Variants in SLC15A2 observed in about 807,000 individuals in gnomAD.
SLC15A2 encodes solute carrier family 15 member 2.
SLC15A2 carries 77 observed loss-of-function variants against 95.5 expected under a neutral mutation model. The ratio of observed to expected loss-of-function variants is 0.81; its 90% CI spans 0.67 to 0.97. The LOEUF (loss-of-function observed/expected upper bound fraction) is 0.97, where lower values mean the gene tolerates loss of function less well. SLC15A2 is among the 50% of genes least tolerant of loss of function. SLC15A2 has a pLI of 0.00. For synonymous variants in SLC15A2, 306 were observed against 306.9 expected (o/e 1.00, Z 0.03); for missense variants, 893 against 874.4 (o/e 1.02, Z -0.27).
At chr3:121,915,500 G>A in intron 6 of SLC15A2, 116 bp from the exon 7 acceptor site, 3 of 837,528 alleles carry the variant, frequency 3.6e-6, no homozygotes, top group South Asian at 1.5e-5. Flanking sequence ...GAGGAAAGAG[G>A]GTGGTTATGT....
At position 121,944,009 on chromosome 3, in the gene SLC15A2, TA is replaced by T. The variant is rs754056587; in HGVS notation, c.*3007del. ...CTATATCTGTTATGTATCAATTTTT[TA>T]AAAAGTGAATGACATAATTCATTTG... On this transcript the variant is annotated 3_prime_UTR_variant, in exon 22 of 22. Coordinates refer to ENST00000489711, the MANE Select transcript of SLC15A2 (RefSeq NM_021082.4). 1.5e-4 allele frequency: 23 copies of T among 152,226 alleles called. No individual in the cohort carries two copies. Among genetic ancestry groups the T allele is most frequent in the Non-Finnish European group, 2.9e-4 (20 of 68,042 alleles). The allele number at this position is 152,226 out of a possible 1,614,324, so 9.4% of individuals were successfully genotyped here.
intron 3 of SLC15A2, among the ~76,000 whole-genome samples, chr3:121,905,342 A>G (rs1208451477): frequency 2.6e-5 from 4 of 151,802 alleles, no homozygotes; most frequent in Admixed American, 6.6e-5. Context: ...TTGTGTCTCT[A>G]TCTCCTTCAG....
intron 3 of SLC15A2, among the ~76,000 whole-genome samples, chr3:121,904,798 T>G (rs1438441264): frequency 1.3e-5 from 2 of 152,262 alleles, no homozygotes; most frequent in Non-Finnish European, 2.9e-5. Context: ...CCAGGGATAC[T>G]GGTCTAAAAT....
At chr3:121,932,956 C>A in intron 19 of SLC15A2, among the ~76,000 whole-genome samples, 1 of 151,962 alleles carries the variant, frequency 6.6e-6, no homozygotes, top group South Asian at 2.1e-4. Context: ...GTTCCCCTTC[C>A]TGTGTCCATG....
chr3:121,940,658 T>C (rs528088392), intron 21 of SLC15A2, among the ~76,000 whole-genome samples, 170 bp downstream of exon 21: 1 of 152,274 alleles, frequency 6.6e-6, no homozygotes, highest in South Asian at 2.1e-4. Flanking sequence ...TAAGTGGCAA[T>C]AATGACTACA....
chr3:121,915,096 G>C (rs1709859261), intron 5 of SLC15A2, 131 bp from the exon 6 acceptor site: 2 of 1,103,166 alleles, frequency 1.8e-6, no homozygotes, highest in East Asian at 5.6e-5. Context: ...TTAATAATAT[G>C]AAATTCAGGT....
chr3:121,914,946 T>C (rs1576678087), intron 5 of SLC15A2: 1 of 1,085,440 alleles, frequency 9.2e-7, no homozygotes, highest in Non-Finnish European at 1.1e-6. Flanking sequence ...AATAGCTATA[T>C]ACAGGATACG....
At chr3:121,900,941 T>A (rs1329572794) in intron 3 of SLC15A2, among the ~76,000 whole-genome samples, 1 of 150,194 alleles carries the variant, frequency 6.7e-6, no homozygotes, top group East Asian at 1.9e-4. Flanking sequence ...TTATATATAT[T>A]TTTCCCCACC....
intron 3 of SLC15A2, among the ~76,000 whole-genome samples, chr3:121,900,857 A>G (rs1263080455): frequency 6.6e-6 from 1 of 151,692 alleles, no homozygotes; most frequent in Non-Finnish European, 1.5e-5. Context: ...ACTAAACTCT[A>G]TCTTATTATA....
At chr3:121,928,304 G>A in intron 14 of SLC15A2, 117 bp from the exon 15 acceptor site, 1 of 1,286,344 alleles carries the variant, frequency 7.8e-7, no homozygotes, top group Non-Finnish European at 1.1e-6. Context: ...TTCAGAGGGA[G>A]AAAACTATGT....
Position 121,911,562 on chromosome 3 carries a change from C to G in SLC15A2, c.336-12C>G. On this transcript the variant is annotated splice_polypyrimidine_tract_variant and intron_variant, in intron 3 of 21. Transcript: ENST00000489711. ...TCTGGTTTTAGACTGACTGATTTAG[C>G]TCTCTCAACAGGACAATCATCTATC... The G allele has an allele frequency of 6.3e-7, 1 of 1,596,802 alleles. No homozygotes were observed. The highest frequency in any genetic ancestry group is 8.6e-7 in the Non-Finnish European group (1 of 1,164,396).
At position 121,941,583 on chromosome 3, in the gene SLC15A2, G is replaced by A. The variant is rs1206993802; in HGVS notation, c.*576G>A. ...CAATATAGATGGTAGGAAGCAGAAT[G>A]CCATTTTATTAAAACACAGGAGAAG... On this transcript the variant is annotated 3_prime_UTR_variant, in exon 22 of 22. Transcript: ENST00000489711. 1 of 152,212 alleles carries A rather than the reference G, an allele frequency of 6.6e-6. No individual in the cohort carries two copies. Among genetic ancestry groups the A allele is most frequent in the Non-Finnish European group, 1.5e-5 (1 of 68,062 alleles). 9.4% of individuals were successfully genotyped at this position (152,212 alleles called of 1,614,324 possible). A position where few individuals can be genotyped will look rare whatever the true frequency, so the allele number is the denominator to read the frequency against.
chr3:121,917,066 T>A (rs1709909517), intron 7 of SLC15A2, among the ~76,000 whole-genome samples: 1 of 152,134 alleles, frequency 6.6e-6, no homozygotes, highest in Non-Finnish European at 1.5e-5. Flanking sequence ...GTGATCTGCC[T>A]GCCTCAGCCT....
Position 121,940,784 on chromosome 3 carries a change from A to G in SLC15A2, c.2014-47A>G, listed in dbSNP as rs756956736. On this transcript the variant is annotated intron_variant, in intron 21 of 21. Transcript: ENST00000489711. Reference sequence around the variant, plus strand: ...CTCCTCATCCTGTAAAGATCTCTTTAGTTTCAGGTTTCTCCATATTCTTCT... The same window carrying G: ...CTCCTCATCCTGTAAAGATCTCTTTGGTTTCAGGTTTCTCCATATTCTTCT... 1.7e-5 allele frequency: 26 copies of G among 1,560,308 alleles called. No homozygotes were observed. In the South Asian group the frequency reaches 3.2e-4, roughly 19 times the overall value.
rs572938112 is a variant in SLC15A2 at position 121,942,920 on chromosome 3, C to T, written c.*1913C>T. 2 of 152,318 alleles carry T rather than the reference C, an allele frequency of 1.3e-5. No homozygotes were observed. The highest frequency in any genetic ancestry group is 1.3e-4 in the Admixed American group (2 of 15,306). 9.4% of individuals were successfully genotyped at this position (152,318 alleles called of 1,614,324 possible). ...TTCTTCCTTGTAAGTGCTGAGCTTC[C>T]TCTCTGAAACCTCCTACCATTGTTT... is the stretch of plus-strand genomic sequence containing the variant. On this transcript the variant is annotated 3_prime_UTR_variant, in exon 22 of 22. Coordinates refer to ENST00000489711, the MANE Select transcript of SLC15A2 (RefSeq NM_021082.4).
intron 13 of SLC15A2, 30 bp from the exon 14 acceptor site, chr3:121,927,728 A>AGATAT: frequency 1.3e-6 from 2 of 1,533,114 alleles, no homozygotes; most frequent in Non-Finnish European, 1.8e-6. Context: ...TCTAAAGTTT[A>AGATAT]GATATAATTG....
intron 7 of SLC15A2, among the ~76,000 whole-genome samples, chr3:121,918,790 C>T (rs1472081869): frequency 1.3e-5 from 2 of 152,150 alleles, no homozygotes; most frequent in East Asian, 3.8e-4. Flanking sequence ...TTAAATACAA[C>T]AACAAGGAGG....
intron 3 of SLC15A2, among the ~76,000 whole-genome samples, chr3:121,899,452 C>G (rs995221471): frequency 2.0e-5 from 3 of 152,112 alleles, no homozygotes; most frequent in Non-Finnish European, 4.4e-5. Context: ...CAACTAGAAG[C>G]AGGAGCAAAT....
At chr3:121,899,796 A>G (rs536999021) in intron 3 of SLC15A2, among the ~76,000 whole-genome samples, 1 of 152,328 alleles carries the variant, frequency 6.6e-6, no homozygotes, top group South Asian at 2.1e-4. Context: ...TTGTAGTACA[A>G]TAAGATATAC....
Sources: gnomAD v4.1 joint callset for allele counts (sites outside exome capture counted in the v4.1 genomes callset) on GRCh38, gnomAD v4.1.1 for gene constraint, MANE v1.5 for transcripts, NCBI Gene and HGNC (gene_info 2026-07-23, HGNC 2026-07-21) for gene names.